Variants in VPS50 observed in about 807,000 individuals in gnomAD.
VPS50 encodes the protein syndetin.
A neutral mutation model predicts 139.7 loss-of-function variants in VPS50; 70 were observed. That is an observed-to-expected ratio of 0.50 (90% confidence interval 0.41 to 0.61). The LOEUF is 0.61. VPS50 is among the 20% of genes least tolerant of loss of function. VPS50 has a pLI of 0.00. For missense variants in VPS50, 921 were observed against 1,133.7 expected (o/e 0.81, Z 2.69); for synonymous variants, 365 against 376.7 (o/e 0.97, Z 0.36).
intron 22 of VPS50, among the ~76,000 whole-genome samples, chr7:93,334,585 C>G (rs1417303275): frequency 6.6e-6 from 1 of 152,080 alleles, no homozygotes; most frequent in African/African-American, 2.4e-5. Flanking sequence ...GGGTGCAGCC[C>G]GAAGTTTGAC....
chr7:93,336,183 T>C (rs1798065741), intron 22 of VPS50, among the ~76,000 whole-genome samples: 2 of 152,192 alleles, frequency 1.3e-5, no homozygotes. Flanking sequence ...TATATTTCTC[T>C]TGCACGTCAG....
chr7:93,305,335 A>G (rs1045150447), intron 17 of VPS50, among the ~76,000 whole-genome samples: 2 of 151,910 alleles, frequency 1.3e-5, no homozygotes, highest in Non-Finnish European at 2.9e-5. Context: ...TATATAGCGA[A>G]AAGTAAATGA....
intron 2 of VPS50, among the ~76,000 whole-genome samples, chr7:93,247,399 C>A (rs557537157): frequency 6.6e-6 from 1 of 151,906 alleles, no homozygotes; most frequent in African/African-American, 2.4e-5. Context: ...TTCTATCCTG[C>A]GGAAGCCACC....
At chr7:93,321,336 T>G (rs1318036348) in intron 20 of VPS50, among the ~76,000 whole-genome samples, 2 of 152,204 alleles carry the variant, frequency 1.3e-5, no homozygotes, top group African/African-American at 4.8e-5. Flanking sequence ...CATTGTAATG[T>G]TCTCTTTTAA....
rs1798814189 is a variant in VPS50 at position 93,360,864 on chromosome 7, A to G, written c.*2428A>G. 3 of 152,046 alleles carry G rather than the reference A, an allele frequency of 2.0e-5. No individual in the cohort carries two copies. The highest frequency in any genetic ancestry group is 2.9e-5 in the Non-Finnish European group (2 of 67,982). The allele number at this position is 152,046 out of a possible 1,614,324, so 9.4% of individuals were successfully genotyped here. ...TAGTTTGCTTTGGTTTATAAAACCA[A>G]CAGAGATTTTGTAAGTTCACTTTAA... is the stretch of plus-strand genomic sequence containing the variant. On this transcript the variant is annotated 3_prime_UTR_variant, in exon 28 of 28. Coordinates refer to ENST00000305866, the MANE Select transcript of VPS50 (RefSeq NM_017667.4).
chr7:93,310,024 C>T (rs1797221554), intron 19 of VPS50, among the ~76,000 whole-genome samples: 1 of 151,776 alleles, frequency 6.6e-6, no homozygotes, highest in Non-Finnish European at 1.5e-5. Context: ...TTGGTTTTTG[C>T]GTATGTATGA....
At chr7:93,245,880 C>A (rs1290173106) in intron 2 of VPS50, among the ~76,000 whole-genome samples, 5 of 151,766 alleles carry the variant, frequency 3.3e-5, no homozygotes, top group Admixed American at 2.0e-4. Flanking sequence ...AGACATCTGG[C>A]CATTCATTAT....
At chr7:93,323,975 A>G (rs1053604517) in intron 21 of VPS50, among the ~76,000 whole-genome samples, 1 of 152,204 alleles carries the variant, frequency 6.6e-6, no homozygotes, top group Non-Finnish European at 1.5e-5. Context: ...ATCTGTTTCT[A>G]ACCTTGACAT....
At chr7:93,308,973 C>T (rs1402101652) in intron 19 of VPS50, 31 bp downstream of exon 19, 1 of 1,145,616 alleles carries the variant, frequency 8.7e-7, no homozygotes, top group Admixed American at 1.7e-5. Context: ...TGGTATTTAG[C>T]ATTTTATCTT....
chr7:93,331,821 A>G (rs546030730), intron 21 of VPS50, among the ~76,000 whole-genome samples: 48 of 152,346 alleles, frequency 3.2e-4, no homozygotes, highest in African/African-American at 1.1e-3. Flanking sequence ...TTTGCAAACC[A>G]TATTGAGAAA....
At chr7:93,249,105 G>A (rs1795240393) in intron 2 of VPS50, among the ~76,000 whole-genome samples, 3 of 151,992 alleles carry the variant, frequency 2.0e-5, no homozygotes, top group Admixed American at 1.3e-4. Flanking sequence ...ATTATATGGG[G>A]TTGTATGCTC....
chr7:93,257,136 T>C (rs1303986056), intron 5 of VPS50, among the ~76,000 whole-genome samples: 2 of 152,106 alleles, frequency 1.3e-5, no homozygotes, highest in African/African-American at 4.8e-5. Flanking sequence ...TACAAGAAGT[T>C]GGGTCTAGAT....
chr7:93,339,927 T>C (rs920080380), intron 22 of VPS50, among the ~76,000 whole-genome samples: 1 of 152,230 alleles, frequency 6.6e-6, no homozygotes, highest in African/African-American at 2.4e-5. Flanking sequence ...ATGGAATTTT[T>C]TAAAAAATGT....
At chr7:93,354,970 C>G (rs1294019769) in intron 26 of VPS50, among the ~76,000 whole-genome samples, 1 of 152,120 alleles carries the variant, frequency 6.6e-6, no homozygotes, top group Non-Finnish European at 1.5e-5. Context: ...AAGCTGACAA[C>G]AGTCGTGGCA....
intron 19 of VPS50, among the ~76,000 whole-genome samples, chr7:93,310,621 C>G (rs1267882981): frequency 6.6e-6 from 1 of 152,000 alleles, no homozygotes; most frequent in Non-Finnish European, 1.5e-5. Flanking sequence ...TCACTTTTCC[C>G]TCTGTTCACT....
At chr7:93,243,283 G>A (rs1795049856) in intron 2 of VPS50, among the ~76,000 whole-genome samples, 1 of 151,944 alleles carries the variant, frequency 6.6e-6, no homozygotes, top group Admixed American at 6.6e-5. Context: ...CAAGATCAGT[G>A]GTGCCCAAAC....
chr7:93,301,975 CTTA>C (rs1481022674), intron 16 of VPS50, among the ~76,000 whole-genome samples: 2 of 152,114 alleles, frequency 1.3e-5, no homozygotes, highest in South Asian at 2.1e-4. Context: ...GAAGTGGTAT[CTTA>C]TTATGTTTTG....
At chr7:93,272,816 C>A in intron 11 of VPS50, 83 bp downstream of exon 11, 1 of 642,592 alleles carries the variant, frequency 1.6e-6, no homozygotes, top group South Asian at 1.9e-5. Flanking sequence ...TTATTAATCT[C>A]ATGTCCTTAA....
At chr7:93,235,788 C>T (rs532697202) in intron 1 of VPS50, among the ~76,000 whole-genome samples, 2 of 152,198 alleles carry the variant, frequency 1.3e-5, no homozygotes, top group Non-Finnish European at 2.9e-5. Flanking sequence ...TGGAGAGATA[C>T]AGCAGGCAGT....
Sources: gnomAD v4.1 joint callset for allele counts (sites outside exome capture counted in the v4.1 genomes callset) on GRCh38, gnomAD v4.1.1 for gene constraint, MANE v1.5 for transcripts, NCBI Gene and HGNC (gene_info 2026-07-23, HGNC 2026-07-21) for gene names.